The following HYAL4 variants were observed in gnomAD, a reference collection of about 807,000 sequenced individuals.
HYAL4 encodes the protein hyaluronidase 4.
A neutral mutation model predicts 35.2 loss-of-function variants in HYAL4; 37 were observed. The ratio of observed to expected loss-of-function variants is 1.05; its 90% CI spans 0.81 to 1.38. HYAL4 has a LOEUF of 1.38. HYAL4 is among the 40% of genes most tolerant of loss of function. The pLI is 0.00. For missense variants in HYAL4, 572 were observed against 572.4 expected (o/e 1.00, Z 0.01); for synonymous variants, 198 against 203.2 (o/e 0.97, Z 0.22).
the HYAL4 span, among the ~76,000 whole-genome samples, chr7:123,767,300 A>G: frequency 2.0e-5 from 3 of 152,198 alleles, no homozygotes; most frequent in African/African-American, 7.2e-5. Context: ...TAAGTGTAGT[A>G]GCTTATGTTT....
the HYAL4 span, among the ~76,000 whole-genome samples, chr7:123,808,390 A>G: frequency 1.3e-5 from 2 of 151,112 alleles, no homozygotes; most frequent in Non-Finnish European, 3.0e-5. Context: ...ACACACACGC[A>G]TGCACACATA....
In HYAL4 at chr7:123,868,725, C is replaced by T; in HGVS notation, c.452C>T (p.Pro151Leu). ...LAVIDWEYWR[P>L]QWARNWNSKD... is the part of the protein sequence containing the mutation. ...GTTATAGATTGGGAATATTGGCGACCACAGTGGGCCCGGAACTGGAACTCA... is the reference window on the plus strand; with the variant it reads ...GTTATAGATTGGGAATATTGGCGACTACAGTGGGCCCGGAACTGGAACTCA... The change falls in exon 3 of 5, where the codon CCA becomes CTA. Residue 151 changes from proline to leucine, a missense_variant. Transcript: ENST00000223026. 2.5e-5 allele frequency: 40 copies of T among 1,613,756 alleles called. No homozygotes were observed. Among genetic ancestry groups the T allele is most frequent in the Non-Finnish European group, 3.4e-5 (40 of 1,179,944 alleles).
chr7:123,781,930 A>G, the HYAL4 span, among the ~76,000 whole-genome samples: 2 of 152,042 alleles, frequency 1.3e-5, no homozygotes, highest in South Asian at 4.2e-4. Flanking sequence ...TCTTCGAGGT[A>G]GGGTTTCACT....
At chr7:123,807,667 C>G in the HYAL4 span, among the ~76,000 whole-genome samples, 1 of 151,546 alleles carries the variant, frequency 6.6e-6, no homozygotes, top group African/African-American at 2.4e-5. Flanking sequence ...TCTCGAACTC[C>G]TGAACTTAGG....
At chr7:123,837,809 G>A (rs1805989903) in intron 1 of HYAL4, among the ~76,000 whole-genome samples, 1 of 151,628 alleles carries the variant, frequency 6.6e-6, no homozygotes, top group Non-Finnish European at 1.5e-5. Context: ...GAGAATGATG[G>A]TTTCCAGCTT....
chr7:123,767,916 C>A, the HYAL4 span, among the ~76,000 whole-genome samples: 1 of 152,232 alleles, frequency 6.6e-6, no homozygotes. Context: ...AGCAGGACAC[C>A]TGAGGACATT....
chr7:123,825,943 A>G (rs1006118782), upstream of HYAL4, among the ~76,000 whole-genome samples: 29 of 151,466 alleles, frequency 1.9e-4, no homozygotes, highest in African/African-American at 4.4e-4. Context: ...TTATTCCTCT[A>G]TGTTAAATAA....
chr7:123,815,148 G>A, the HYAL4 span: 3 of 152,512 alleles, frequency 2.0e-5, no homozygotes, highest in Admixed American at 2.0e-4. Flanking sequence ...ATACAATGCT[G>A]TTCTCTTATT....
chr7:123,767,630 T>G, the HYAL4 span, among the ~76,000 whole-genome samples: 2 of 152,200 alleles, frequency 1.3e-5, no homozygotes, highest in Non-Finnish European at 2.9e-5. Flanking sequence ...AAAAAAGTCT[T>G]AGGTCTGGCT....
chr7:123,783,970 T>C, the HYAL4 span, among the ~76,000 whole-genome samples: 1 of 152,196 alleles, frequency 6.6e-6, no homozygotes, highest in Non-Finnish European at 1.5e-5. Context: ...ATAAAATGTG[T>C]TTGTAATCTA....
chr7:123,832,692 G>T (rs1253520403), intron 1 of HYAL4, among the ~76,000 whole-genome samples: 1 of 151,064 alleles, frequency 6.6e-6, no homozygotes. Flanking sequence ...TAGTAGAGAC[G>T]GGGTTTCACT....
upstream of HYAL4, among the ~76,000 whole-genome samples, chr7:123,843,136 C>A (rs1584912272): frequency 6.6e-6 from 1 of 151,914 alleles, no homozygotes. Context: ...GTGGCTGGTG[C>A]CGGTTGTTTC....
Position 123,868,929 on chromosome 7 carries a change from T to G in HYAL4, c.656T>G (p.Leu219Ter). ...CCCAAAGGCCTTTGGGGTTATTATT[T>G]ATATCCTGATTGCCACAATTATAAC... is the stretch of plus-strand genomic sequence containing the variant. ...SRPKGLWGYYLYPDCHNYNVY... is the reference protein window; with the variant it reads ...SRPKGLWGYY Residue 219 changes from leucine to a stop codon, truncating the protein, a stop_gained, in exon 3 of 5, where the codon TTA becomes TGA. Coordinates refer to ENST00000223026, the MANE Select transcript of HYAL4 (RefSeq NM_012269.3). LOFTEE classifies it high-confidence loss of function. 6.2e-7 allele frequency: 1 copy of G among 1,614,134 alleles called. No individual in the cohort carries two copies. The highest frequency in any genetic ancestry group is 8.5e-7 in the Non-Finnish European group (1 of 1,180,028).
At chr7:123,766,536 C>T in the HYAL4 span, among the ~76,000 whole-genome samples, 1 of 151,924 alleles carries the variant, frequency 6.6e-6, no homozygotes, top group African/African-American at 2.4e-5. Flanking sequence ...TTTTATAGAA[C>T]CAGTTGTACT....
At chr7:123,806,519 C>T in the HYAL4 span, among the ~76,000 whole-genome samples, 5,251 of 152,114 alleles carry the variant, frequency 0.035, 163 homozygotes, top group African/African-American at 0.087. Flanking sequence ...TCTTGGCTCA[C>T]CGCAACCTCT....
At chr7:123,790,717 A>G in the HYAL4 span, 1 of 151,748 alleles carries the variant, frequency 6.6e-6, no homozygotes, top group Non-Finnish European at 1.5e-5. Flanking sequence ...AGCACCAAAG[A>G]CATGCCTTTT....
At chr7:123,866,212 G>A (rs957046258) in intron 2 of HYAL4, among the ~76,000 whole-genome samples, 4 of 152,116 alleles carry the variant, frequency 2.6e-5, no homozygotes, top group Admixed American at 6.5e-5. Context: ...GCAGAAAGGC[G>A]GTGTCCCTTG....
intron 2 of HYAL4, among the ~76,000 whole-genome samples, chr7:123,859,988 C>T (rs774149568): frequency 6.6e-6 from 1 of 152,092 alleles, no homozygotes; most frequent in South Asian, 2.1e-4. Context: ...AATTATCATC[C>T]CATATGTTGT....
rs138043104 is a variant in HYAL4, at chr7:123,838,637, A to G, written c.-256-5608A>G. 6.2e-4 allele frequency among the ~76,000 whole-genome samples: 94 copies of G among 152,230 alleles called. 2 individuals are homozygous for G. In the East Asian group the frequency reaches 0.018, roughly 29 times the overall value. Reference sequence around the variant, plus strand: ...CTACGTGATAGTCTTTTTATGATGAATTTCCTGGTTGTTCCTTGAGCTTGT... The same window carrying G: ...CTACGTGATAGTCTTTTTATGATGAGTTTCCTGGTTGTTCCTTGAGCTTGT... On this transcript the variant is annotated intron_variant, in intron 1 of 4. Coordinates refer to the HYAL4 transcript ENST00000489978.
Sources: allele counts gnomAD v4.1 joint callset (sites outside exome capture counted in the v4.1 genomes callset), GRCh38; gene constraint gnomAD v4.1.1; transcripts MANE v1.5; gene names NCBI Gene and HGNC (gene_info 2026-07-23, HGNC 2026-07-21).